The following HK1 variants were observed in gnomAD, a reference collection of about 807,000 sequenced individuals.
HK1 encodes the protein hexokinase-1.
Under a neutral mutation model 91.6 loss-of-function variants are expected in HK1, and 28 were observed. That is an observed-to-expected ratio of 0.31 (90% CI 0.23 to 0.42). The LOEUF is 0.42. Ranked by LOEUF, HK1 falls within the 10% of genes least tolerant of loss-of-function variation. The pLI, the probability that HK1 is intolerant of heterozygous loss-of-function variation, is 1.00. For missense variants in HK1, 770 were observed against 1,219.8 expected (o/e 0.63, Z 5.49); for synonymous variants, 430 against 468.1 (o/e 0.92, Z 1.05).
chr10:69,298,333 A>T (rs1246308185), intron 4 of HK1, among the ~76,000 whole-genome samples: 1 of 151,894 alleles, frequency 6.6e-6, no homozygotes, highest in Non-Finnish European at 1.5e-5. Context: ...TTCTGCATAA[A>T]AAATGTGGGT....
At chr10:69,342,125 G>T (rs1030807977) in intron 1 of HK1, among the ~76,000 whole-genome samples, 1 of 151,866 alleles carries the variant, frequency 6.6e-6, no homozygotes, top group African/African-American at 2.4e-5. Context: ...TCCAGCCTGG[G>T]TGACAGAGAT....
Position 69,400,943 on chromosome 10 carries a change from C to A in HK1, c.2610-48C>A, listed in dbSNP as rs17489948. ...CTTTGGTGTTTTCGGGTAGGCCCAG[C>A]GTCTCTCATCTTCCTCCAACTACCT... On this transcript the variant is annotated intron_variant, in intron 17 of 17. Transcript: ENST00000359426. 45 of 1,608,138 alleles carry A rather than the reference C, an allele frequency of 2.8e-5. No homozygotes were observed. In the African/African-American group the frequency reaches 4.9e-4, roughly 18 times the overall value.
chr10:69,357,805 C>A (rs573171673), intron 2 of HK1, among the ~76,000 whole-genome samples: 2 of 152,140 alleles, frequency 1.3e-5, no homozygotes, highest in South Asian at 4.2e-4. Context: ...TCTATAGCAA[C>A]AGAAAATAGA....
chr10:69,279,427 T>C (rs1163662075), intron 1 of HK1, among the ~76,000 whole-genome samples: 1 of 152,218 alleles, frequency 6.6e-6, no homozygotes, highest in Admixed American at 6.5e-5. Context: ...TTTGGTGTCT[T>C]GATTTGGAGA....
upstream of HK1, among the ~76,000 whole-genome samples, chr10:69,318,681 G>A (rs993144426): frequency 6.6e-5 from 10 of 152,134 alleles, no homozygotes; most frequent in Non-Finnish European, 1.5e-4. Flanking sequence ...CTCCCCGGCC[G>A]GGACGCCACC....
intron 4 of HK1, among the ~76,000 whole-genome samples, chr10:69,365,286 G>T (rs921969763): frequency 6.6e-6 from 1 of 152,058 alleles, no homozygotes; most frequent in Non-Finnish European, 1.5e-5. Flanking sequence ...TATGCTCAGG[G>T]CCCTGTCCCT....
At position 69,371,605 on chromosome 10, in the gene HK1, G is replaced by C. The variant is rs969878781; in HGVS notation, c.875+1981G>C. On this transcript the variant is annotated intron_variant, in intron 7 of 17. Transcript: ENST00000359426. ...ATGAGAAGTCTCTTTTCTTAGAAGT[G>C]CAGGTGGGGCATGCCACTTGTGGTA... Among the ~76,000 whole-genome samples the C allele has an allele frequency of 2.6e-5, 4 of 152,208 alleles. No homozygotes were observed. The East Asian group carries it at 7.7e-4, about 29-fold the overall frequency.
intron 1 of HK1, among the ~76,000 whole-genome samples, chr10:69,331,840 T>C (rs1253581886): frequency 2.0e-5 from 3 of 151,848 alleles, no homozygotes; most frequent in Admixed American, 6.6e-5. Flanking sequence ...TGGAGTGCAC[T>C]GCACTCCAGC....
intron 1 of HK1, among the ~76,000 whole-genome samples, chr10:69,276,124 T>C (rs372973477): frequency 0.015 from 739 of 48,186 alleles, 237 homozygotes; most frequent in Non-Finnish European, 0.028. Context: ...AAAAAATACA[T>C]ATATATATAT....
chr10:69,376,452 C>T (rs963818872), intron 7 of HK1, among the ~76,000 whole-genome samples: 11 of 152,174 alleles, frequency 7.2e-5, no homozygotes, highest in South Asian at 4.2e-4. Flanking sequence ...TGCAGAGAGT[C>T]GAGATTGTGT....
intron 5 of HK1, among the ~76,000 whole-genome samples, chr10:69,309,440 T>C (rs111349921): frequency 0.087 from 10,778 of 123,550 alleles, 1,132 homozygotes; most frequent in African/African-American, 0.26. Context: ...CTCGGCCTCC[T>C]AAAGTGCTGG....
chr10:69,391,685 G>A (rs1157083615), intron 14 of HK1, among the ~76,000 whole-genome samples: 1 of 152,156 alleles, frequency 6.6e-6, no homozygotes, highest in Non-Finnish European at 1.5e-5. Context: ...TGGTATGATA[G>A]AAGATAATCC....
In HK1 at chr10:69,369,650, C is replaced by T. The variant is rs200969884; in HGVS notation, c.875+26C>T. ...GTGAGTCCTTGACTTTTGCTTCTAA[C>T]CACATATGTGAGTTAGGGGACATTT... On this transcript the variant is annotated intron_variant, in intron 7 of 17. Coordinates refer to ENST00000359426, the MANE Select transcript of HK1 (RefSeq NM_000188.3). This position sits in a 1 kb window ranked among gnomAD's most constrained non-coding sequence, Gnocchi z 4.4. 3.1e-6 allele frequency: 5 copies of T among 1,602,028 alleles called. No individual in the cohort carries two copies. Among genetic ancestry groups the T allele is most frequent in the East Asian group, 4.5e-5 (2 of 44,752 alleles).
At chr10:69,363,852 A>G (rs1849560636) in intron 3 of HK1, among the ~76,000 whole-genome samples, 2 of 152,236 alleles carry the variant, frequency 1.3e-5, no homozygotes, top group South Asian at 4.1e-4. Flanking sequence ...CATAGATAAC[A>G]TGTTATAGCA....
rs1246234699 is a variant in HK1, at chr10:69,384,364, A to T, written c.1602A>T (p.Gly534=). The T allele has an allele frequency of 6.2e-7, 1 of 1,614,210 alleles. No homozygotes were observed. The highest frequency in any genetic ancestry group is 8.5e-7 in the Non-Finnish European group (1 of 1,180,036). ...ENGDFLALDL[G]GTNFRVLLVK... is the part of the protein sequence containing the mutation. The stretch of plus-strand genomic sequence containing the variant: ...GTGACTTCTTGGCCCTGGATCTTGG[A>T]GGAACCAATTTCCGTGTGCTGCTGG... Residue 534 remains glycine, a synonymous_variant, in exon 11 of 18, where the codon GGA becomes GGT. Coordinates refer to ENST00000359426, the MANE Select transcript of HK1 (RefSeq NM_000188.3).
chr10:69,364,761 A>T, intron 3 of HK1, 22 bp from the exon 4 acceptor site: 1 of 1,614,090 alleles, frequency 6.2e-7, no homozygotes, highest in Non-Finnish European at 8.5e-7. Flanking sequence ...GGGCCCCCTG[A>T]CTGCTCTCAT....
intron 1 of HK1, 84 bp downstream of exon 1, chr10:69,319,094 T>A: frequency 1.3e-6 from 2 of 1,482,480 alleles, no homozygotes; most frequent in South Asian, 2.4e-5. Context: ...GCCTCCATCC[T>A]CCGGCGCCCG....
At chr10:69,379,766 A>T (rs1288902857) in intron 8 of HK1, 96 bp from the exon 9 acceptor site, 2 of 873,588 alleles carry the variant, frequency 2.3e-6, no homozygotes, top group East Asian at 2.4e-5. Flanking sequence ...CACACATGGT[A>T]AGTGGGGCTG....
Position 69,369,422 on chromosome 10 carries a change from C to G in HK1, c.692-19C>G. The stretch of plus-strand genomic sequence containing the variant: ...CCTCCCCGTTGTGTGGTCATAGCTT[C>G]TGATCTTGTCCTGCCCAGGCACTGG... On this transcript the variant is annotated intron_variant, in intron 6 of 17. Coordinates refer to ENST00000359426, the MANE Select transcript of HK1 (RefSeq NM_000188.3). The surrounding 1 kb of genome is among the most constrained non-coding windows in gnomAD (Gnocchi z 4.4). The G allele has an allele frequency of 6.2e-7, 1 of 1,614,236 alleles. No homozygotes were observed. The highest frequency in any genetic ancestry group is 8.5e-7 in the Non-Finnish European group (1 of 1,180,046).
Sources: gnomAD v4.1 joint callset for allele counts (sites outside exome capture counted in the v4.1 genomes callset) on GRCh38, gnomAD v4.1.1 for gene constraint, Gnocchi (gnomAD v3.1) non-coding constraint, MANE v1.5 for transcripts, NCBI Gene and HGNC (gene_info 2026-07-23, HGNC 2026-07-21) for gene names.